The following RAB21 variants were observed in gnomAD, a reference collection of about 807,000 sequenced individuals.
RAB21 encodes the protein ras-related protein Rab-21.
In RAB21, 13 loss-of-function variants were observed where a neutral mutation model predicts 33.1. That is an observed-to-expected ratio of 0.39 (90% confidence interval 0.26 to 0.62). RAB21 has a LOEUF of 0.62. Ranked by LOEUF, RAB21 falls within the 20% of genes least tolerant of loss-of-function variation. The pLI is 0.48. For missense variants in RAB21, 234 were observed against 279.1 expected (o/e 0.84, Z 1.15); for synonymous variants, 91 against 103.7 (o/e 0.88, Z 0.74).
At chr12:71,783,316 ATAAATT>A (rs1005657098) in intron 6 of RAB21, among the ~76,000 whole-genome samples, 3 of 151,796 alleles carry the variant, frequency 2.0e-5, no homozygotes, top group African/African-American at 7.3e-5. Flanking sequence ...AAAAAGGAAA[ATAAATT>A]TATATATATT....
rs1331704710 is a variant in RAB21 at position 71,790,319 on chromosome 12, T to C, written c.*4646T>C. On this transcript the variant is annotated 3_prime_UTR_variant, in exon 7 of 7. Transcript: ENST00000261263. ...CTTGATTTTGATACTTTCTGGCAAC[T>C]GTATCATCTCTTCACTATCACGTAT... The C allele has an allele frequency of 6.6e-6, 1 of 152,224 alleles. No homozygotes were observed. Among genetic ancestry groups the C allele is most frequent in the African/African-American group, 2.4e-5 (1 of 41,466 alleles). 9.4% of individuals were successfully genotyped at this position (152,224 alleles called of 1,614,324 possible). A position where few individuals can be genotyped will look rare whatever the true frequency, so the allele number is the denominator to read the frequency against.
intron 3 of RAB21, among the ~76,000 whole-genome samples, chr12:71,773,205 T>C (rs1045708227): frequency 8.5e-5 from 13 of 152,254 alleles, no homozygotes; most frequent in African/African-American, 2.4e-4. Context: ...GCCAACTGTG[T>C]CTACTACTAT....
At position 71,794,549 on chromosome 12, in the gene RAB21, G is replaced by C. The variant is rs1883440303; in HGVS notation, c.*8876G>C. On this transcript the variant is annotated 3_prime_UTR_variant, in exon 7 of 7. Transcript: ENST00000261263. Reference sequence around the variant, plus strand: ...GCTCCCGAGTTCACACCATTCTCCTGCCTCAGCCTCCCGAGTAGCTGGGAC... The same window carrying C: ...GCTCCCGAGTTCACACCATTCTCCTCCCTCAGCCTCCCGAGTAGCTGGGAC... 7.3e-6 allele frequency: 1 copy of C among 137,190 alleles called. No homozygotes were observed. The highest frequency in any genetic ancestry group is 2.7e-5 in the African/African-American group (1 of 37,076). 8.5% of individuals were successfully genotyped at this position (137,190 alleles called of 1,614,324 possible).
intron 3 of RAB21, among the ~76,000 whole-genome samples, chr12:71,772,465 G>A (rs1334406271): frequency 1.3e-5 from 2 of 152,288 alleles, no homozygotes; most frequent in Non-Finnish European, 2.9e-5. Flanking sequence ...TTAATGGGAA[G>A]ATTAGCAAAG....
chr12:71,769,886 C>A (rs766187696), intron 2 of RAB21, 27 bp downstream of exon 2: 1 of 1,217,814 alleles, frequency 8.2e-7, no homozygotes, highest in Non-Finnish European at 1.1e-6. Flanking sequence ...AACTATTATG[C>A]GTGGAGGCTT....
At chr12:71,781,991 A>G in intron 4 of RAB21, 40 bp from the exon 5 acceptor site, 1 of 1,438,728 alleles carries the variant, frequency 7.0e-7, no homozygotes, top group South Asian at 1.2e-5. Context: ...TTATGAAAAT[A>G]AATCAGTATA....
chr12:71,757,451 C>A (rs1191070885), intron 1 of RAB21, among the ~76,000 whole-genome samples: 1 of 152,122 alleles, frequency 6.6e-6, no homozygotes, highest in Non-Finnish European at 1.5e-5. Context: ...TTTTAAATTT[C>A]TAAAACATTC....
chr12:71,777,420 C>G (rs1005394250), intron 4 of RAB21, among the ~76,000 whole-genome samples: 1 of 152,142 alleles, frequency 6.6e-6, no homozygotes, highest in Non-Finnish European at 1.5e-5. Flanking sequence ...TATGAATACT[C>G]CACAGTTTAT....
chr12:71,772,334 A>C (rs972222761), intron 3 of RAB21, among the ~76,000 whole-genome samples: 1 of 152,208 alleles, frequency 6.6e-6, no homozygotes, highest in Non-Finnish European at 1.5e-5. Context: ...AGTAGAAGCT[A>C]CCAGGCCTTC....
rs1288238134 is a variant in RAB21, at chr12:71,795,188, A to G, written c.*9515A>G. 2.0e-5 allele frequency: 3 copies of G among 152,210 alleles called. No homozygotes were observed. Among genetic ancestry groups the G allele is most frequent in the Non-Finnish European group, 2.9e-5 (2 of 68,030 alleles). 9.4% of individuals were successfully genotyped at this position (152,210 alleles called of 1,614,324 possible). ...GAATATGGATGGATTTCATTAGAGA[A>G]ATAAAAATGAGCAAGATTTGTGATT... On this transcript the variant is annotated 3_prime_UTR_variant, in exon 7 of 7. Transcript: ENST00000261263.
Position 71,798,441 on chromosome 12 carries a change from A to G in RAB21, c.*12768A>G, listed in dbSNP as rs1197444779. 1 of 152,210 alleles carries G rather than the reference A, an allele frequency of 6.6e-6. No homozygotes were observed. The highest frequency in any genetic ancestry group is 1.5e-5 in the Non-Finnish European group (1 of 68,038). 9.4% of individuals were successfully genotyped at this position (152,210 alleles called of 1,614,324 possible). Reference sequence around the variant, plus strand: ...AAATTCCTCACAGCAAAAAACCACCATAAGCATAGTCTAAAGAAAAATGAC... The same window carrying G: ...AAATTCCTCACAGCAAAAAACCACCGTAAGCATAGTCTAAAGAAAAATGAC... On this transcript the variant is annotated 3_prime_UTR_variant, in exon 7 of 7. Coordinates refer to ENST00000261263, the MANE Select transcript of RAB21 (RefSeq NM_014999.4).
Position 71,792,452 on chromosome 12 carries a change from A to G in RAB21, c.*6779A>G, listed in dbSNP as rs1475546194. ...CTACTTGGAGAGCATTACAGTGTCC[A>G]ACAATTTATAGGAGCTTCTCTGCAC... is the stretch of plus-strand genomic sequence containing the variant. On this transcript the variant is annotated 3_prime_UTR_variant, in exon 7 of 7. Coordinates refer to ENST00000261263, the MANE Select transcript of RAB21 (RefSeq NM_014999.4). The G allele has an allele frequency of 1.3e-5, 2 of 152,202 alleles. No individual in the cohort carries two copies. Among genetic ancestry groups the G allele is most frequent in the African/African-American group, 4.8e-5 (2 of 41,448 alleles). 9.4% of individuals were successfully genotyped at this position (152,202 alleles called of 1,614,324 possible).
At chr12:71,778,776 G>A (rs1239596764) in intron 4 of RAB21, among the ~76,000 whole-genome samples, 3 of 152,206 alleles carry the variant, frequency 2.0e-5, no homozygotes, top group African/African-American at 7.2e-5. Flanking sequence ...GCAAGGGGGA[G>A]ATAAGGGAAC....
chr12:71,783,293 T>G (rs149382524), intron 6 of RAB21, among the ~76,000 whole-genome samples: 4 of 152,018 alleles, frequency 2.6e-5, no homozygotes, highest in African/African-American at 9.7e-5. Context: ...TTAAAAAGTT[T>G]ATAGTTTTAA....
At chr12:71,773,894 TG>T in intron 3 of RAB21, 64 bp from the exon 4 acceptor site, 1 of 1,126,880 alleles carries the variant, frequency 8.9e-7, no homozygotes, top group Non-Finnish European at 1.3e-6. Context: ...TTGAGTTTTT[TG>T]GGTGTTGTGA....
At chr12:71,766,874 C>T (rs879288915) in intron 1 of RAB21, among the ~76,000 whole-genome samples, 1 of 152,098 alleles carries the variant, frequency 6.6e-6, no homozygotes, top group Non-Finnish European at 1.5e-5. Context: ...ATATTGGAAG[C>T]TGTCCTAAGA....
rs545986310 is a variant in RAB21, at chr12:71,792,649, C to A, written c.*6976C>A. On this transcript the variant is annotated 3_prime_UTR_variant, in exon 7 of 7. Transcript: ENST00000261263. ...TTTTAAAAAATTTTAAAACATTCAG[C>A]TTTTTATGACTTTGGTTAGTTTCAC... 6.6e-6 allele frequency: 1 copy of A among 152,216 alleles called. No individual in the cohort carries two copies. Among genetic ancestry groups the A allele is most frequent in the Admixed American group, 6.5e-5 (1 of 15,290 alleles). 9.4% of individuals were successfully genotyped at this position (152,216 alleles called of 1,614,324 possible). A position where few individuals can be genotyped will look rare whatever the true frequency, so the allele number is the denominator to read the frequency against.
At chr12:71,774,093 T>G (rs1346702724) in intron 4 of RAB21, 71 bp downstream of exon 4, 4 of 1,093,052 alleles carry the variant, frequency 3.7e-6, no homozygotes, top group Non-Finnish European at 5.3e-6. Context: ...GACAAGTAAT[T>G]TTTGTTTTAA....
chr12:71,770,457 G>A lies in RAB21; in HGVS notation c.220-135G>A, dbSNP rs577607215. 7.6e-6 allele frequency: 5 copies of A among 653,782 alleles called. No individual in the cohort carries two copies. In the South Asian group the frequency reaches 8.9e-5, roughly 12 times the overall value. The allele number at this position is 653,782 out of a possible 1,614,324, so 40.5% of individuals were successfully genotyped here. ...TGTGTGTGGCCTGTTTTGCTGTTTT[G>A]TTTCTGTTAATAGGGTTTTGTGGTT... is the stretch of plus-strand genomic sequence containing the variant. On this transcript the variant is annotated intron_variant, in intron 2 of 6. Transcript: ENST00000261263.
Sources: allele counts gnomAD v4.1 joint callset (sites outside exome capture counted in the v4.1 genomes callset), GRCh38; gene constraint gnomAD v4.1.1; transcripts MANE v1.5; gene names NCBI Gene and HGNC (gene_info 2026-07-23, HGNC 2026-07-21).